MITF: variants seen among roughly 807,000 people sequenced by gnomAD.
MITF encodes melanocyte inducing transcription factor, also known as microphthalmia-associated transcription factor.
Under a neutral mutation model 60.5 loss-of-function variants are expected in MITF, and 17 were observed. That is an observed-to-expected ratio of 0.28 (90% CI 0.19 to 0.42). The LOEUF (loss-of-function observed/expected upper bound fraction) is 0.42. MITF is among the 10% of genes least tolerant of loss of function. The probability of loss-of-function intolerance (pLI) is 1.00; values close to 1 mark genes in which losing one functional copy is unlikely to be tolerated. For synonymous variants in MITF, 260 were observed against 248.5 expected, an observed-to-expected ratio of 1.05 and a Z score of -0.43; for missense variants, 622 against 683.5, an observed-to-expected ratio of 0.91 and a Z score of 1.00.
chr3:69,959,489 A>G, intron 9 of MITF, 69 bp downstream of exon 9: 1 of 1,580,788 alleles, frequency 6.3e-7, no homozygotes. Context: ...ACAGGGATAT[A>G]ATGAGCCATA....
intron 2 of MITF, among the ~76,000 whole-genome samples, chr3:69,937,340 A>G (rs2065862613): frequency 6.7e-6 from 1 of 149,966 alleles, no homozygotes; most frequent in Admixed American, 6.6e-5. Context: ...TTCTACAGCC[A>G]TTTTACACAG....
intron 1 of MITF, among the ~76,000 whole-genome samples, chr3:69,824,170 T>C (rs947914214): frequency 5.9e-5 from 9 of 152,202 alleles, no homozygotes; most frequent in Admixed American, 3.3e-4. Flanking sequence ...ATAGGGAAAA[T>C]AAGACAATTT....
chr3:69,959,277 A>C lies in MITF; in HGVS notation c.1036A>C (p.Met346Leu). 1 of 1,614,126 alleles carries C rather than the reference A, an allele frequency of 6.2e-7. No individual in the cohort carries two copies. Among genetic ancestry groups the C allele is most frequent in the Non-Finnish European group, 8.5e-7 (1 of 1,180,006 alleles). ...TTTCCTCCATTTTCATCGCAGAGACATGCGCTGGAACAAGGGAACCATCTT... is the reference window on the plus strand; with the variant it reads ...TTTCCTCCATTTTCATCGCAGAGACCTGCGCTGGAACAAGGGAACCATCTT... ...TLIPKSNDPD[M>L]RWNKGTILKA... The change falls in exon 9 of 10, where the codon ATG (methionine) becomes CTG (leucine). Residue 346 changes from methionine (M) to leucine (L), a missense_variant. Met to Leu is a conservative substitution (Grantham distance 15, BLOSUM62 2). This residue lies in a region of MITF where 31 missense variants were observed against 74.8 expected (regional missense o/e 0.41). Coordinates refer to ENST00000352241, the MANE Select transcript of MITF (RefSeq NM_001354604.2).
At chr3:69,955,830 C>T (rs547175240) in intron 7 of MITF, among the ~76,000 whole-genome samples, 76 of 151,510 alleles carry the variant, frequency 5.0e-4, no homozygotes, top group African/African-American at 1.7e-3. Context: ...TAAATAAATG[C>T]TAAAAAAAAA....
At position 69,803,407 on chromosome 3, in the gene MITF, T is replaced by C. The variant is rs572854579; in HGVS notation, c.104+63706T>C. ...CTTTCAGAAACAGGGGCTGTATTTT[T>C]CTGTGTCTCTGAGGACTTTTGGAGG... On this transcript the variant is annotated intron_variant, in intron 1 of 9. Coordinates refer to ENST00000352241, the MANE Select transcript of MITF (RefSeq NM_001354604.2). Among the ~76,000 whole-genome samples the C allele has an allele frequency of 3.3e-5, 5 of 152,336 alleles. No homozygotes were observed. In the East Asian group the frequency reaches 9.7e-4, roughly 29 times the overall value.
At chr3:69,871,036 G>T (rs1441919202) in intron 1 of MITF, among the ~76,000 whole-genome samples, 1 of 152,160 alleles carries the variant, frequency 6.6e-6, no homozygotes, top group East Asian at 1.9e-4. Flanking sequence ...CTTGTCCAGG[G>T]TTAGTCCAGG....
intron 1 of MITF, chr3:69,758,809 A>G: frequency 4.8e-6 from 1 of 210,336 alleles, no homozygotes; most frequent in East Asian, 7.2e-5. Context: ...TGTGTAAGAA[A>G]TTATCTTACC....
intron 1 of MITF, among the ~76,000 whole-genome samples, chr3:69,764,841 A>G (rs2062265196): frequency 1.3e-5 from 2 of 152,072 alleles, no homozygotes; most frequent in South Asian, 4.1e-4. Context: ...CTTGTTTAGG[A>G]TCTGTGTTAT....
chr3:69,844,045 C>A (rs1411165209), intron 1 of MITF, among the ~76,000 whole-genome samples: 1 of 152,174 alleles, frequency 6.6e-6, no homozygotes, highest in Non-Finnish European at 1.5e-5. Context: ...TTTCCAGCTT[C>A]ATCCATGTCC....
At chr3:69,768,563 G>T (rs1455485330) in intron 1 of MITF, among the ~76,000 whole-genome samples, 1 of 152,210 alleles carries the variant, frequency 6.6e-6, no homozygotes, top group Admixed American at 6.5e-5. Context: ...TTTGGCTTTG[G>T]TGGCTGCTTC....
In MITF at chr3:69,966,854, CT is replaced by C; in HGVS notation, c.*1612del. On this transcript the variant is annotated 3_prime_UTR_variant, in exon 10 of 10. Coordinates refer to ENST00000352241, the MANE Select transcript of MITF (RefSeq NM_001354604.2). ...GAAGTGCCTTAAATATAGCAGTAGT[CT>C]TTTTTGGACTAGCACTGACTGAACT... 1 of 232,624 alleles carries C rather than the reference CT, an allele frequency of 4.3e-6. No individual in the cohort carries two copies. Among genetic ancestry groups the C allele is most frequent in the Non-Finnish European group, 8.5e-6 (1 of 117,454 alleles). The allele number at this position is 232,624 out of a possible 1,614,324, so 14.4% of individuals were successfully genotyped here.
chr3:69,905,785 TC>T (rs2065086244), intron 2 of MITF, among the ~76,000 whole-genome samples: 1 of 152,128 alleles, frequency 6.6e-6, no homozygotes, highest in Admixed American at 6.6e-5. Flanking sequence ...TTATTTGCCA[TC>T]TCCGTATTTT....
intron 1 of MITF, among the ~76,000 whole-genome samples, chr3:69,818,521 C>T (rs982739288): frequency 5.3e-5 from 8 of 152,288 alleles, no homozygotes; most frequent in Admixed American, 5.2e-4. Flanking sequence ...CTCATATCCT[C>T]ACTGTTATTA....
intron 1 of MITF, among the ~76,000 whole-genome samples, chr3:69,836,078 G>A (rs560621941): frequency 1.3e-5 from 2 of 152,054 alleles, no homozygotes; most frequent in East Asian, 1.9e-4. Flanking sequence ...GGCCATTTTA[G>A]CAATATTAAT....
chr3:69,824,605 C>T (rs780957376), intron 1 of MITF, among the ~76,000 whole-genome samples: 1 of 152,196 alleles, frequency 6.6e-6, no homozygotes, highest in Non-Finnish European at 1.5e-5. Context: ...GCATCCATGG[C>T]TTCTCCAGGA....
intron 2 of MITF, among the ~76,000 whole-genome samples, chr3:69,907,208 G>A (rs2065118545): frequency 6.6e-6 from 1 of 152,112 alleles, no homozygotes; most frequent in East Asian, 1.9e-4. Context: ...TATAACGTAA[G>A]TCGTCCATTG....
chr3:69,825,557 AT>A (rs1307492354), intron 1 of MITF, among the ~76,000 whole-genome samples: 2 of 152,188 alleles, frequency 1.3e-5, no homozygotes, highest in Non-Finnish European at 2.9e-5. Flanking sequence ...ATAATCCTAA[AT>A]TGATTAAGAG....
chr3:69,826,206 C>G (rs538996390), intron 1 of MITF, among the ~76,000 whole-genome samples: 1 of 152,196 alleles, frequency 6.6e-6, no homozygotes, highest in East Asian at 1.9e-4. Flanking sequence ...CTTTTATTCA[C>G]TACCCCTCCC....
chr3:69,919,083 T>G (rs2065403239), intron 2 of MITF, among the ~76,000 whole-genome samples: 2 of 152,242 alleles, frequency 1.3e-5, no homozygotes, highest in African/African-American at 2.4e-5. Context: ...GGTAAAGGTA[T>G]AACTGCATCA....
Sources: gnomAD v4.1 joint callset for allele counts (sites outside exome capture counted in the v4.1 genomes callset) on GRCh38, gnomAD v4.1.1 for gene constraint, gnomAD v4.1.1 regional missense constraint, MANE v1.5 for transcripts, NCBI Gene and HGNC (gene_info 2026-07-23, HGNC 2026-07-21) for gene names.